The following USP37 variants were observed in gnomAD, a reference collection of about 807,000 sequenced individuals.
USP37 encodes ubiquitin carboxyl-terminal hydrolase 37.
Under a neutral mutation model 124.0 loss-of-function variants are expected in USP37, and 27 were observed. The observed-to-expected ratio is 0.22, with a 90% CI of 0.16 to 0.30. USP37 has a LOEUF of 0.30. USP37 is among the 10% of genes least tolerant of loss of function. The pLI is 1.00. For synonymous variants in USP37, 365 were observed against 388.0 expected (o/e 0.94, Z 0.70); for missense variants, 889 against 1,140.4 (o/e 0.78, Z 3.17).
At chr2:218,557,953 T>TGAAAA (rs983714143) in intron 4 of USP37, among the ~76,000 whole-genome samples, 1 of 52,552 alleles carries the variant, frequency 1.9e-5, no homozygotes, top group African/African-American at 5.8e-5. Context: ...AAAAAAAAGG[T>TGAAAA]GAAAAGAAAA....
intron 10 of USP37, among the ~76,000 whole-genome samples, chr2:218,512,818 T>C (rs1690074185): frequency 6.6e-6 from 1 of 152,204 alleles, no homozygotes; most frequent in Non-Finnish European, 1.5e-5. Context: ...TATATTGTAG[T>C]TGTTTCTCTT....
At chr2:218,474,950 A>G (rs979288107) in intron 19 of USP37, 65 bp from the exon 20 acceptor site, 25 of 1,493,674 alleles carry the variant, frequency 1.7e-5, no homozygotes, top group Non-Finnish European at 2.2e-5. Flanking sequence ...CTTAATTAGT[A>G]TTTAAAGTAG....
At chr2:218,558,350 T>C in intron 4 of USP37, 148 bp downstream of exon 4, 1 of 700,068 alleles carries the variant, frequency 1.4e-6, no homozygotes, top group South Asian at 2.9e-5. Flanking sequence ...TTATAAAACA[T>C]GTACATAAAA....
intron 20 of USP37, among the ~76,000 whole-genome samples, chr2:218,467,184 CT>C (rs1331744550): frequency 6.6e-6 from 1 of 151,050 alleles, no homozygotes; most frequent in Non-Finnish European, 1.5e-5. Flanking sequence ...CCCCTCCTCC[CT>C]TCCCCCTCCC....
chr2:218,555,446 AAC>A (rs1157330853), intron 4 of USP37, among the ~76,000 whole-genome samples: 2 of 152,258 alleles, frequency 1.3e-5, no homozygotes, highest in Non-Finnish European at 2.9e-5. Flanking sequence ...TCTCTAGGAA[AAC>A]ACAATAATTC....
chr2:218,567,944 G>T (rs1186542515), intron 1 of USP37, among the ~76,000 whole-genome samples: 2 of 152,196 alleles, frequency 1.3e-5, no homozygotes, highest in Non-Finnish European at 2.9e-5. Context: ...GGCCAGGTTT[G>T]AGTTTCGGAG....
In USP37 at chr2:218,488,344, G is replaced by C; in HGVS notation, c.1550C>G (p.Pro517Arg). The part of the protein sequence containing the change: ...IDLPRRKKPL[P>R]PRSIQDSLDL... ...AAGAGAATCTTGAATTGAACGAGGA[G>C]GGAGTGGTTTTTTCCTACGAGGAAG... The change falls in exon 15 of 26, where the codon CCT (proline) becomes CGT (arginine). Residue 517 changes from proline (P) to arginine (R), a missense_variant. Pro to Arg is a moderately radical substitution (Grantham distance 103). Coordinates refer to ENST00000258399, the MANE Select transcript of USP37 (RefSeq NM_020935.3). 1.2e-6 allele frequency: 2 copies of C among 1,612,684 alleles called. No individual in the cohort carries two copies. Among genetic ancestry groups the C allele is most frequent in the Non-Finnish European group, 1.7e-6 (2 of 1,179,308 alleles).
chr2:218,563,137 T>C (rs533053466), intron 1 of USP37, among the ~76,000 whole-genome samples: 2 of 135,514 alleles, frequency 1.5e-5, no homozygotes, highest in South Asian at 4.7e-4. Context: ...CACTCCAACC[T>C]GGGCAACAAG....
chr2:218,566,657 T>C (rs1439631705), intron 1 of USP37, among the ~76,000 whole-genome samples: 1 of 152,224 alleles, frequency 6.6e-6, no homozygotes, highest in East Asian at 1.9e-4. Flanking sequence ...TTATCTCACT[T>C]AATCCTCATA....
chr2:218,456,092 T>C (rs1391483475), intron 24 of USP37, among the ~76,000 whole-genome samples: 1 of 150,876 alleles, frequency 6.6e-6, no homozygotes, highest in Non-Finnish European at 1.5e-5. Flanking sequence ...GTGCAGGAAG[T>C]TTGAGAAAGA....
intron 11 of USP37, among the ~76,000 whole-genome samples, chr2:218,503,850 T>G (rs1228740621): frequency 6.6e-6 from 1 of 152,032 alleles, no homozygotes; most frequent in Non-Finnish European, 1.5e-5. Flanking sequence ...CAAGGACAGA[T>G]GGAACAAATA....
At chr2:218,488,511 T>C in intron 14 of USP37, 90 bp from the exon 15 acceptor site, 2 of 804,396 alleles carry the variant, frequency 2.5e-6, no homozygotes, top group Non-Finnish European at 4.0e-6. Flanking sequence ...CCACAGAACT[T>C]ATGGTACTGA....
chr2:218,490,153 C>T (rs889271575), intron 14 of USP37, among the ~76,000 whole-genome samples: 4 of 152,132 alleles, frequency 2.6e-5, no homozygotes, highest in Non-Finnish European at 4.4e-5. Flanking sequence ...AAATCAAGAC[C>T]ATCCTGGCTA....
intron 8 of USP37, among the ~76,000 whole-genome samples, chr2:218,535,289 C>T (rs540592767): frequency 9.9e-4 from 151 of 151,920 alleles, no homozygotes; most frequent in Non-Finnish European, 1.8e-3. Context: ...TCACTTGAAC[C>T]TGGGAGGTGG....
At chr2:218,542,244 T>C (rs1008844145) in intron 8 of USP37, among the ~76,000 whole-genome samples, 4 of 152,192 alleles carry the variant, frequency 2.6e-5, no homozygotes, top group Admixed American at 1.3e-4. Context: ...CTAGGTCAGC[T>C]TCTAAGGAGT....
At chr2:218,518,334 G>T (rs1404170438) in intron 10 of USP37, among the ~76,000 whole-genome samples, 1 of 151,796 alleles carries the variant, frequency 6.6e-6, no homozygotes, top group Non-Finnish European at 1.5e-5. Context: ...GTTAAATATT[G>T]TTCTTTTATA....
At chr2:218,482,963 C>G (rs1026821835) in intron 16 of USP37, among the ~76,000 whole-genome samples, 1 of 152,100 alleles carries the variant, frequency 6.6e-6, no homozygotes, top group Admixed American at 6.6e-5. Flanking sequence ...TTTCAAACAT[C>G]TTATGGGAAT....
chr2:218,467,627 G>C (rs774825888), intron 20 of USP37, among the ~76,000 whole-genome samples: 1 of 151,846 alleles, frequency 6.6e-6, no homozygotes, highest in Non-Finnish European at 1.5e-5. Context: ...GATTACAGGC[G>C]TGAGCCACCG....
At chr2:218,488,078 G>A (rs1171324763) in intron 15 of USP37, among the ~76,000 whole-genome samples, 1 of 150,436 alleles carries the variant, frequency 6.6e-6, no homozygotes, top group African/African-American at 2.4e-5. Context: ...TGGGGAGGCT[G>A]AGGTGGGAGG....
Sources: allele counts gnomAD v4.1 joint callset (sites outside exome capture counted in the v4.1 genomes callset), GRCh38; gene constraint gnomAD v4.1.1; transcripts MANE v1.5; gene names NCBI Gene and HGNC (gene_info 2026-07-23, HGNC 2026-07-21).